The following USP34 variants were observed in gnomAD, a reference collection of about 807,000 sequenced individuals.
USP34 encodes the protein ubiquitin specific peptidase 34, also known as ubiquitin carboxyl-terminal hydrolase 34.
Under a neutral mutation model 460.3 loss-of-function variants are expected in USP34, and 70 were observed. The ratio of observed to expected loss-of-function variants is 0.15; its 90% confidence interval spans 0.13 to 0.19. The LOEUF is 0.19. Ranked by LOEUF, USP34 falls within the 10% of genes least tolerant of loss-of-function variation. The pLI is 1.00. For synonymous variants in USP34, 1,647 were observed against 1,405.3 expected (o/e 1.17, Z -3.85); for missense variants, 3,985 against 4,236.2 (o/e 0.94, Z 1.65).
At chr2:61,224,532 C>T (rs1161828523) in intron 62 of USP34, among the ~76,000 whole-genome samples, 1 of 152,182 alleles carries the variant, frequency 6.6e-6, no homozygotes, top group Non-Finnish European at 1.5e-5. Context: ...TATTCTAATT[C>T]CAATTGTCCT....
intron 2 of USP34, among the ~76,000 whole-genome samples, chr2:61,420,408 A>G (rs866508853): frequency 2.6e-5 from 4 of 152,184 alleles, no homozygotes; most frequent in African/African-American, 9.7e-5. Context: ...CCCCTACCAC[A>G]ATGACTTTTC....
intron 16 of USP34, among the ~76,000 whole-genome samples, chr2:61,342,940 C>T (rs1691651365): frequency 6.6e-6 from 1 of 152,114 alleles, no homozygotes; most frequent in Non-Finnish European, 1.5e-5. Context: ...TAACCTATTC[C>T]TTTCTCAACA....
intron 77 of USP34, 46 bp downstream of exon 77, chr2:61,190,472 T>G: frequency 6.2e-7 from 1 of 1,605,118 alleles, no homozygotes; most frequent in Non-Finnish European, 8.5e-7. Context: ...ACCACAAGCA[T>G]TAACTAATTA....
intron 10 of USP34, among the ~76,000 whole-genome samples, chr2:61,353,296 G>T (rs1692002420): frequency 6.6e-6 from 1 of 151,862 alleles, no homozygotes. Context: ...AGGTCTTAGA[G>T]TTGTACTTTT....
At chr2:61,355,969 A>G (rs1692089217) in intron 10 of USP34, among the ~76,000 whole-genome samples, 1 of 152,212 alleles carries the variant, frequency 6.6e-6, no homozygotes, top group South Asian at 2.1e-4. Context: ...CTAACATCAA[A>G]TAAGATACAA....
At position 61,236,339 on chromosome 2, in the gene USP34, T is replaced by C. The variant is rs370134433; in HGVS notation, c.6828A>G (p.Glu2276=). 8 of 1,604,590 alleles carry C rather than the reference T, an allele frequency of 5.0e-6. No homozygotes were observed. Among genetic ancestry groups the C allele is most frequent in the Non-Finnish European group, 6.8e-6 (8 of 1,176,614 alleles). ...ACCAAACTTACCCAAAATATGTATG[T>C]TCAAAAATGTTTTTGTCTTGAAGAA... ...MQFLQDKNIF[E]HTYFGFMWQL... The change falls in exon 54 of 80, where the codon GAA becomes GAG. Residue 2276 remains glutamate, a synonymous_variant. Transcript: ENST00000398571.
intron 61 of USP34, among the ~76,000 whole-genome samples, chr2:61,227,736 C>CAA (rs11328095): frequency 1.4e-5 from 2 of 148,136 alleles, no homozygotes; most frequent in African/African-American, 4.9e-5. Flanking sequence ...AACAAACAAA[C>CAA]AAAAAAAAAA....
chr2:61,426,498 G>A (rs916815457), intron 1 of USP34, among the ~76,000 whole-genome samples: 16 of 151,236 alleles, frequency 1.1e-4, no homozygotes, highest in Non-Finnish European at 2.4e-4. Flanking sequence ...GCTACGAGGT[G>A]AGGTGGAAAT....
chr2:61,266,703 T>C (rs530797712), intron 41 of USP34, among the ~76,000 whole-genome samples: 1 of 152,304 alleles, frequency 6.6e-6, no homozygotes, highest in African/African-American at 2.4e-5. Flanking sequence ...GTTATCACCC[T>C]CACACATCCC....
At chr2:61,402,440 T>C (rs192154647) in intron 3 of USP34, among the ~76,000 whole-genome samples, 1 of 152,310 alleles carries the variant, frequency 6.6e-6, no homozygotes, top group African/African-American at 2.4e-5. Context: ...AGTTCCCATA[T>C]TATTTAGAAT....
At chr2:61,197,140 T>C (rs1421515853) in intron 75 of USP34, among the ~76,000 whole-genome samples, 2 of 151,648 alleles carry the variant, frequency 1.3e-5, no homozygotes, top group Non-Finnish European at 2.9e-5. Context: ...AAGAATTAGT[T>C]GGGCATGTAA....
At chr2:61,209,446 T>C (rs1687210751) in intron 69 of USP34, among the ~76,000 whole-genome samples, 1 of 152,212 alleles carries the variant, frequency 6.6e-6, no homozygotes, top group African/African-American at 2.4e-5. Context: ...TTGTGGTAAA[T>C]GATGGATCAC....
chr2:61,244,183 T>C (rs559786955), intron 51 of USP34, among the ~76,000 whole-genome samples: 1 of 152,346 alleles, frequency 6.6e-6, no homozygotes, highest in South Asian at 2.1e-4. Flanking sequence ...TGGGCTAATC[T>C]ATGAAACGGA....
chr2:61,407,948 C>A (rs1274907130), intron 2 of USP34, among the ~76,000 whole-genome samples: 2 of 152,050 alleles, frequency 1.3e-5, no homozygotes, highest in Admixed American at 1.3e-4. Context: ...AACCCCATCT[C>A]TACTAAAAAT....
At chr2:61,286,037 C>T (rs557668759) in intron 34 of USP34, among the ~76,000 whole-genome samples, 1 of 152,196 alleles carries the variant, frequency 6.6e-6, no homozygotes, top group African/African-American at 2.4e-5. Flanking sequence ...TGCAAATAAG[C>T]AAAAGAAGGG....
intron 1 of USP34, among the ~76,000 whole-genome samples, chr2:61,440,553 T>C (rs1694934549): frequency 6.6e-6 from 1 of 151,296 alleles, no homozygotes. Context: ...GTTTTGCTCT[T>C]CTCGTCCAGG....
At chr2:61,366,683 G>A (rs546740908) in intron 10 of USP34, among the ~76,000 whole-genome samples, 1 of 152,040 alleles carries the variant, frequency 6.6e-6, no homozygotes, top group African/African-American at 2.4e-5. Flanking sequence ...AGTTCCATTT[G>A]AGAGACAGCA....
chr2:61,292,146 T>C (rs900127354), intron 33 of USP34, among the ~76,000 whole-genome samples: 1 of 152,004 alleles, frequency 6.6e-6, no homozygotes, highest in Non-Finnish European at 1.5e-5. Flanking sequence ...GTGAATATAG[T>C]AAAAACAGTA....
At position 61,331,377 on chromosome 2, in the gene USP34, C is replaced by T. The variant is rs1691256070; in HGVS notation, c.2835-6G>A. 2 of 1,604,540 alleles carry T rather than the reference C, an allele frequency of 1.2e-6. No individual in the cohort carries two copies. The highest frequency in any genetic ancestry group is 1.1e-5 in the South Asian group (1 of 89,688). On this transcript the variant is annotated splice_polypyrimidine_tract_variant and splice_region_variant and intron_variant, in intron 19 of 79. Coordinates refer to ENST00000398571, the MANE Select transcript of USP34 (RefSeq NM_014709.4). ...TCAGTTCTTTTTCTGCCCACCTGGC[C>T]CAAATAAAAGAAAAAATAATTTTAA...
Sources: gnomAD v4.1 joint callset for allele counts (sites outside exome capture counted in the v4.1 genomes callset) on GRCh38, gnomAD v4.1.1 for gene constraint, MANE v1.5 for transcripts, NCBI Gene and HGNC (gene_info 2026-07-23, HGNC 2026-07-21) for gene names.